NRG1: variants seen among roughly 807,000 people sequenced by gnomAD.
The protein encoded by NRG1 is pro-neuregulin-1, membrane-bound isoform.
A neutral mutation model predicts 63.8 loss-of-function variants in NRG1; 18 were observed. The observed-to-expected ratio is 0.28, with a 90% confidence interval of 0.19 to 0.42. NRG1 has a LOEUF of 0.42. Among genes scored for constraint, NRG1 ranks in the 10% least tolerant of loss-of-function variants. NRG1 has a pLI of 1.00. For missense variants in NRG1, 762 were observed against 814.7 expected (o/e 0.94, Z 0.79); for synonymous variants, 302 against 301.3 (o/e 1.00, Z -0.02).
At position 32,070,604 on chromosome 8, in the gene NRG1, T is replaced by C. The variant is rs770710629; in HGVS notation, c.37+431173T>C. Among the ~76,000 whole-genome samples, 21 of 152,136 alleles carry C rather than the reference T, an allele frequency of 1.4e-4. 1 individual carries two copies. Among genetic ancestry groups the C allele is most frequent in the Non-Finnish European group, 7.3e-5 (5 of 68,038 alleles). On this transcript the variant is annotated intron_variant, in intron 1 of 10. Coordinates refer to the NRG1 transcript ENST00000519301. ...TCATAGCCACCTTATCAAAAAGTCC[T>C]GCTACTGTTATTTCTACTTCAAAAT...
intron 1 of NRG1, among the ~76,000 whole-genome samples, chr8:31,926,164 C>T (rs76670305): frequency 1.5e-3 from 236 of 152,286 alleles, no homozygotes; most frequent in African/African-American, 5.5e-3. Flanking sequence ...TCCTGTCATT[C>T]TGACAGCTTG....
chr8:32,526,108 C>T (rs530462001), intron 1 of NRG1, among the ~76,000 whole-genome samples: 2 of 152,312 alleles, frequency 1.3e-5, no homozygotes, highest in Admixed American at 1.3e-4. Context: ...GGCCAAGGTA[C>T]TGGGTGTAGC....
intron 1 of NRG1, among the ~76,000 whole-genome samples, chr8:32,355,445 C>T (rs1806249907): frequency 6.6e-6 from 1 of 151,960 alleles, no homozygotes; most frequent in Non-Finnish European, 1.5e-5. Flanking sequence ...GGTGACAGAG[C>T]AAGACTCCCG....
chr8:32,072,341 C>T (rs1297202746), intron 1 of NRG1, among the ~76,000 whole-genome samples: 1 of 151,326 alleles, frequency 6.6e-6, no homozygotes, highest in South Asian at 2.1e-4. Flanking sequence ...CCTTTTGGGC[C>T]TCTATCTTTC....
intron 1 of NRG1, among the ~76,000 whole-genome samples, chr8:32,073,948 A>T (rs1426790767): frequency 6.6e-6 from 1 of 152,168 alleles, no homozygotes; most frequent in Non-Finnish European, 1.5e-5. Flanking sequence ...TGGATGACTT[A>T]CTGGATATCA....
At chr8:31,989,785 C>T (rs778871167) in intron 1 of NRG1, among the ~76,000 whole-genome samples, 68 of 152,190 alleles carry the variant, frequency 4.5e-4, no homozygotes, top group African/African-American at 1.4e-3. Flanking sequence ...TATTCCAGGA[C>T]GTGCCAATGA....
At chr8:32,188,073 T>TG (rs200589094) in intron 1 of NRG1, among the ~76,000 whole-genome samples, 5 of 151,922 alleles carry the variant, frequency 3.3e-5, no homozygotes, top group African/African-American at 1.2e-4. Context: ...ATTATAGATT[T>TG]TTTTTTTTTT....
chr8:31,943,531 G>GAAAT (rs55983255), intron 1 of NRG1, among the ~76,000 whole-genome samples: 111,317 of 148,528 alleles, frequency 0.75, 44,014 homozygotes, highest in Non-Finnish European at 0.88. Flanking sequence ...AAAACCTATT[G>GAAAT]AAATAAATAA....
chr8:31,843,499 G>A (rs1423703054), intron 1 of NRG1, among the ~76,000 whole-genome samples: 1 of 152,126 alleles, frequency 6.6e-6, no homozygotes, highest in Non-Finnish European at 1.5e-5. Flanking sequence ...AGGGAAGTTG[G>A]CCTCACTTTA....
At chr8:31,987,137 C>T (rs1052408842) in intron 1 of NRG1, among the ~76,000 whole-genome samples, 3 of 151,426 alleles carry the variant, frequency 2.0e-5, no homozygotes, top group African/African-American at 7.3e-5. Context: ...GCCTTTACTA[C>T]AGATACAAAA....
chr8:32,063,431 C>G (rs1379043604), intron 1 of NRG1: 1 of 152,068 alleles, frequency 6.6e-6, no homozygotes, highest in Non-Finnish European at 1.5e-5. Context: ...GGTAATTGCA[C>G]AATATACTGT....
At chr8:32,371,239 G>A (rs560945968) in intron 1 of NRG1, among the ~76,000 whole-genome samples, 13 of 152,224 alleles carry the variant, frequency 8.5e-5, no homozygotes, top group Admixed American at 1.3e-4. Flanking sequence ...AAAAAGAAAA[G>A]GGATGCTTTG....
At chr8:32,048,676 G>A (rs1821485738) in intron 1 of NRG1, among the ~76,000 whole-genome samples, 1 of 151,584 alleles carries the variant, frequency 6.6e-6, no homozygotes, top group Admixed American at 6.6e-5. Context: ...TAGGTGTGAG[G>A]TGATATCGCA....
intron 1 of NRG1, among the ~76,000 whole-genome samples, chr8:31,663,181 AC>A (rs1434417848): frequency 6.6e-6 from 1 of 152,070 alleles, no homozygotes; most frequent in African/African-American, 2.4e-5. Context: ...TGCTCCACAA[AC>A]CCAGAATAAA....
At chr8:32,043,949 A>G (rs915239229) in intron 1 of NRG1, among the ~76,000 whole-genome samples, 1 of 151,972 alleles carries the variant, frequency 6.6e-6, no homozygotes, top group Non-Finnish European at 1.5e-5. Context: ...AAATCCAAGC[A>G]TATCTATACT....
intron 1 of NRG1, among the ~76,000 whole-genome samples, chr8:32,099,089 G>A (rs1830239286): frequency 6.6e-6 from 1 of 152,212 alleles, no homozygotes; most frequent in Non-Finnish European, 1.5e-5. Context: ...TTGCAAGGGT[G>A]CAATGGGCAA....
At chr8:32,412,451 T>TATATATATATATATAC (rs1340279592) in intron 1 of NRG1, among the ~76,000 whole-genome samples, 4 of 59,952 alleles carry the variant, frequency 6.7e-5, no homozygotes, top group African/African-American at 2.4e-4. Context: ...TATATATATA[T>TATATATATATATATAC]ACATATATAT....
At chr8:32,529,746 T>C (rs986725905) in intron 1 of NRG1, among the ~76,000 whole-genome samples, 19 of 152,154 alleles carry the variant, frequency 1.2e-4, no homozygotes, top group Admixed American at 2.0e-4. Context: ...TCATGTCCCA[T>C]TGGAAAAAGT....
chr8:32,177,603 C>G (rs900283734), intron 1 of NRG1, among the ~76,000 whole-genome samples: 1 of 151,968 alleles, frequency 6.6e-6, no homozygotes, highest in Non-Finnish European at 1.5e-5. Flanking sequence ...TCCATGTGTT[C>G]TCATTGTTCA....
Sources: allele counts gnomAD v4.1 joint callset (sites outside exome capture counted in the v4.1 genomes callset), GRCh38; gene constraint gnomAD v4.1.1; transcripts MANE v1.5; gene names NCBI Gene and HGNC (gene_info 2026-07-23, HGNC 2026-07-21).